FNDC1: variants seen among roughly 807,000 people sequenced by gnomAD.
The protein encoded by FNDC1 is fibronectin type III domain-containing protein 1.
FNDC1 carries 96 observed loss-of-function variants against 168.0 expected under a neutral mutation model. The observed-to-expected ratio is 0.57, with a 90% CI of 0.48 to 0.68. The LOEUF is 0.68. FNDC1 is among the 30% of genes least tolerant of loss of function. The probability of loss-of-function intolerance (pLI) is 0.00; values close to 1 mark genes in which losing one functional copy is unlikely to be tolerated. For synonymous variants in FNDC1, 1,099 were observed against 1,025.9 expected (o/e 1.07, Z -1.36); for missense variants, 2,587 against 2,482.1 (o/e 1.04, Z -0.90).
intron 18 of FNDC1, among the ~76,000 whole-genome samples, chr6:159,259,728 T>C (rs888313166): frequency 5.3e-5 from 8 of 152,248 alleles, no homozygotes; most frequent in African/African-American, 1.7e-4. Flanking sequence ...TGGGAAAACA[T>C]GAGCTGCTGA....
intron 21 of FNDC1, among the ~76,000 whole-genome samples, 155 bp from the exon 22 acceptor site, chr6:159,267,648 TG>T (rs1240778283): frequency 6.6e-6 from 1 of 152,210 alleles, no homozygotes. Flanking sequence ...ATGAGATTGG[TG>T]CCATTATCAC....
At chr6:159,226,247 A>G (rs1022684866) in intron 8 of FNDC1, among the ~76,000 whole-genome samples, 1 of 152,212 alleles carries the variant, frequency 6.6e-6, no homozygotes, top group African/African-American at 2.4e-5. Context: ...CTGAATTACT[A>G]AGACCATTTC....
chr6:159,265,126 C>T, intron 20 of FNDC1, 122 bp downstream of exon 20: 1 of 783,784 alleles, frequency 1.3e-6, no homozygotes, highest in Non-Finnish European at 2.1e-6. Context: ...CTGTCAACTT[C>T]TATGCTTTCC....
intron 1 of FNDC1, among the ~76,000 whole-genome samples, chr6:159,190,381 G>A (rs1782109703): frequency 6.6e-6 from 1 of 152,258 alleles, no homozygotes; most frequent in South Asian, 2.1e-4. Flanking sequence ...CTGGTGGCAT[G>A]AATGGATTAG....
intron 14 of FNDC1, among the ~76,000 whole-genome samples, chr6:159,240,582 CCACTGGGTAAGAATG>C (rs1353325773): frequency 2.0e-5 from 3 of 152,268 alleles, no homozygotes; most frequent in African/African-American, 7.2e-5. Flanking sequence ...TGTGGGCTTT[CCACTGGGTAAGAATG>C]CACCATTTTC....
chr6:159,219,376 A>G (rs115161489), intron 5 of FNDC1, among the ~76,000 whole-genome samples: 15 of 152,300 alleles, frequency 9.8e-5, no homozygotes, highest in African/African-American at 3.6e-4. Context: ...AGGGGCACAG[A>G]AAGAGGTCAT....
intron 6 of FNDC1, among the ~76,000 whole-genome samples, chr6:159,223,096 C>T (rs1156652147): frequency 1.3e-5 from 2 of 149,270 alleles, no homozygotes; most frequent in East Asian, 3.9e-4. Context: ...CCTGGATTCA[C>T]ACCATTCTCC....
intron 1 of FNDC1, among the ~76,000 whole-genome samples, chr6:159,178,493 C>G (rs148381548): frequency 6.6e-6 from 1 of 152,206 alleles, no homozygotes; most frequent in African/African-American, 2.4e-5. Flanking sequence ...CGCATCCCAG[C>G]CAGGACAGTG....
chr6:159,181,533 C>G (rs1267190936), intron 1 of FNDC1, among the ~76,000 whole-genome samples: 1 of 152,192 alleles, frequency 6.6e-6, no homozygotes, highest in Non-Finnish European at 1.5e-5. Flanking sequence ...CCATAAATGA[C>G]AACCAAATAT....
chr6:159,255,712 T>C (rs746565054), intron 17 of FNDC1, among the ~76,000 whole-genome samples: 4 of 152,228 alleles, frequency 2.6e-5, no homozygotes, highest in Non-Finnish European at 5.9e-5. Context: ...TGAGGATTAA[T>C]CAAAGTCAAA....
intron 1 of FNDC1, among the ~76,000 whole-genome samples, chr6:159,173,932 G>C (rs971119066): frequency 6.6e-6 from 1 of 152,154 alleles, no homozygotes; most frequent in Non-Finnish European, 1.5e-5. Context: ...AAGGGATGAG[G>C]GGGGCAGGGA....
chr6:159,251,648 G>C (rs1166497360), intron 17 of FNDC1, 116 bp downstream of exon 17: 3 of 852,790 alleles, frequency 3.5e-6, no homozygotes, highest in Non-Finnish European at 5.6e-6. Context: ...GGATGGGTTG[G>C]ATGGATGAAT....
intron 18 of FNDC1, among the ~76,000 whole-genome samples, chr6:159,257,710 C>A (rs1777404778): frequency 6.6e-6 from 1 of 152,130 alleles, no homozygotes; most frequent in Non-Finnish European, 1.5e-5. Context: ...TTTAATGTGC[C>A]ATTTGGGCCC....
At chr6:159,215,286 C>A in intron 5 of FNDC1, 135 bp downstream of exon 5, 1 of 830,060 alleles carries the variant, frequency 1.2e-6, no homozygotes, top group Non-Finnish European at 1.9e-6. Context: ...TGATTTGAAT[C>A]TCTACTGTTT....
chr6:159,224,992 G>A (rs1391385033), intron 7 of FNDC1, among the ~76,000 whole-genome samples: 2 of 152,082 alleles, frequency 1.3e-5, no homozygotes, highest in Non-Finnish European at 2.9e-5. Flanking sequence ...TGCTCTGTTT[G>A]TTTCACATTT....
chr6:159,195,882 A>G lies in FNDC1; in HGVS notation c.110-1549A>G, dbSNP rs143195091. On this transcript the variant is annotated intron_variant, in intron 1 of 22. Coordinates refer to ENST00000297267, the MANE Select transcript of FNDC1 (RefSeq NM_032532.3). ...TGCTGTAAAGAAAAGTGCGATATGT[A>G]TATTCATTCATTTATATTCTTCCTT... is the stretch of plus-strand genomic sequence containing the variant. Among the ~76,000 whole-genome samples the G allele has an allele frequency of 7.0e-3, 1,071 of 152,264 alleles. 10 individuals carry two copies. Among genetic ancestry groups the G allele is most frequent in the Middle Eastern group, 0.037 (11 of 294 alleles).
rs1156717313 is a variant in FNDC1, at chr6:159,190,117, A to G, written c.110-7314A>G. Among the ~76,000 whole-genome samples the G allele has an allele frequency of 3.3e-5, 5 of 152,184 alleles. No homozygotes were observed. In the East Asian group the frequency reaches 9.6e-4, roughly 29 times the overall value. ...GGCAGGTTACTGATGAATCCAGGGCATCGCCTGAAGGTGGCGCGAGGTGGT... is the reference window on the plus strand; with the variant it reads ...GGCAGGTTACTGATGAATCCAGGGCGTCGCCTGAAGGTGGCGCGAGGTGGT... On this transcript the variant is annotated intron_variant, in intron 1 of 22. Transcript: ENST00000297267.
At chr6:159,265,951 CA>C in intron 20 of FNDC1, 132 bp from the exon 21 acceptor site, 1 of 91,446 alleles carries the variant, frequency 1.1e-5, no homozygotes, top group East Asian at 1.7e-4. Flanking sequence ...AACAACAACA[CA>C]AACAAACAAA....
At position 159,271,532 on chromosome 6, in the gene FNDC1, C is replaced by A; in HGVS notation, c.*90C>A. 3.2e-6 allele frequency: 3 copies of A among 926,204 alleles called. No individual in the cohort carries two copies. The highest frequency in any genetic ancestry group is 1.4e-5 in the South Asian group (1 of 69,626). 57.4% of individuals were successfully genotyped at this position (926,204 alleles called of 1,614,324 possible). On this transcript the variant is annotated 3_prime_UTR_variant, in exon 23 of 23. Transcript: ENST00000297267. ...TGTGAGCAAAGACAGCCAGCGTGCT[C>A]AGCCCCGCTGCCCTAGGTGCCAGGA...
Sources: gnomAD v4.1 joint callset for allele counts (sites outside exome capture counted in the v4.1 genomes callset) on GRCh38, gnomAD v4.1.1 for gene constraint, MANE v1.5 for transcripts, NCBI Gene and HGNC (gene_info 2026-07-23, HGNC 2026-07-21) for gene names.